CRTAM: variants seen among roughly 807,000 people sequenced by gnomAD.
The protein encoded by CRTAM is cytotoxic and regulatory T-cell molecule.
In CRTAM, 44 loss-of-function variants were observed where a neutral mutation model predicts 50.0. That is an observed-to-expected ratio of 0.88 (90% CI 0.69 to 1.13). The LOEUF is 1.13. Ranked by LOEUF, CRTAM falls within the 50% of genes most tolerant of loss-of-function variation. The pLI is 0.00. For missense variants in CRTAM, 448 were observed against 457.5 expected, an observed-to-expected ratio of 0.98 and a Z score of 0.19; for synonymous variants, 159 against 169.3, an observed-to-expected ratio of 0.94 and a Z score of 0.47.
intron 1 of CRTAM, among the ~76,000 whole-genome samples, chr11:122,843,881 C>G (rs1861829132): frequency 6.6e-6 from 1 of 152,186 alleles, no homozygotes; most frequent in African/African-American, 2.4e-5. Context: ...ACAGTCTAAG[C>G]AAAGCTGGGT....
chr11:122,864,413 A>G (rs1862140675), intron 6 of CRTAM, among the ~76,000 whole-genome samples: 1 of 152,228 alleles, frequency 6.6e-6, no homozygotes, highest in African/African-American at 2.4e-5. Context: ...AAGGCCAGGC[A>G]CAGAGTAAAT....
Position 122,871,261 on chromosome 11 carries a change from T to C in CRTAM, c.1052-8T>C, listed in dbSNP as rs1338123479. The C allele has an allele frequency of 6.2e-7, 1 of 1,602,512 alleles. No homozygotes were observed. Among genetic ancestry groups the C allele is most frequent in the Admixed American group, 1.7e-5 (1 of 57,814 alleles). Reference sequence around the variant, plus strand: ...TAAATATTCATCTTCAACATGTTTTTCTTTCAGCTTCCCACCCTATGCGTT... The same window carrying C: ...TAAATATTCATCTTCAACATGTTTTCCTTTCAGCTTCCCACCCTATGCGTT... On this transcript the variant is annotated splice_polypyrimidine_tract_variant and splice_region_variant and intron_variant, in intron 9 of 9. Coordinates refer to ENST00000227348, the MANE Select transcript of CRTAM (RefSeq NM_019604.4).
chr11:122,845,783 AC>A, intron 1 of CRTAM, among the ~76,000 whole-genome samples: 1 of 152,136 alleles, frequency 6.6e-6, no homozygotes. Context: ...AGGAAATCTG[AC>A]ATCATTTTGT....
chr11:122,868,231 T>A, intron 9 of CRTAM, 132 bp downstream of exon 9: 4 of 576,576 alleles, frequency 6.9e-6, no homozygotes, highest in Admixed American at 6.5e-5. Flanking sequence ...TGTGTGTGTG[T>A]GTGTGTATGA....
chr11:122,861,768 T>C (rs1862085854), intron 5 of CRTAM, among the ~76,000 whole-genome samples: 1 of 152,058 alleles, frequency 6.6e-6, no homozygotes, highest in Non-Finnish European at 1.5e-5. Context: ...ATTTGTAAAG[T>C]GACAGGCACA....
chr11:122,865,305 G>A (rs765934369), intron 7 of CRTAM, among the ~76,000 whole-genome samples: 10 of 152,172 alleles, frequency 6.6e-5, no homozygotes, highest in South Asian at 4.1e-4. Flanking sequence ...AAAGTGCTGG[G>A]ATTACAGGCG....
At chr11:122,845,146 T>A (rs1225537228) in intron 1 of CRTAM, among the ~76,000 whole-genome samples, 2 of 151,674 alleles carry the variant, frequency 1.3e-5, no homozygotes, top group Non-Finnish European at 2.9e-5. Flanking sequence ...TGCCAGTGAG[T>A]TAGGAAGGGA....
chr11:122,857,999 C>T (rs1411099702), intron 5 of CRTAM, among the ~76,000 whole-genome samples: 1 of 152,182 alleles, frequency 6.6e-6, no homozygotes, highest in African/African-American at 2.4e-5. Context: ...CAGCCTCAAT[C>T]TTCCAGGTTC....
At chr11:122,864,779 A>T in intron 7 of CRTAM, 60 bp downstream of exon 7, 1 of 1,232,210 alleles carries the variant, frequency 8.1e-7, no homozygotes, top group Non-Finnish European at 1.2e-6. Context: ...TTAATCGATA[A>T]ATTCAATGGC....
At chr11:122,844,472 C>G (rs571764708) in intron 1 of CRTAM, among the ~76,000 whole-genome samples, 6 of 152,180 alleles carry the variant, frequency 3.9e-5, no homozygotes, top group Non-Finnish European at 2.9e-5. Context: ...TAATACTACT[C>G]TTTATTCTAT....
At chr11:122,867,904 C>A in intron 8 of CRTAM, 109 bp from the exon 9 acceptor site, 1 of 688,152 alleles carries the variant, frequency 1.5e-6, no homozygotes, top group Non-Finnish European at 2.5e-6. Flanking sequence ...ATGGGAGGGG[C>A]ATGGTAAGTC....
intron 1 of CRTAM, among the ~76,000 whole-genome samples, chr11:122,842,314 T>A (rs772718623): frequency 2.0e-5 from 3 of 152,216 alleles, no homozygotes; most frequent in African/African-American, 7.2e-5. Context: ...ATTTCATTCT[T>A]GTTGCCCTGG....
intron 5 of CRTAM, among the ~76,000 whole-genome samples, chr11:122,859,236 G>A (rs1862041636): frequency 6.6e-6 from 1 of 152,054 alleles, no homozygotes; most frequent in African/African-American, 2.4e-5. Context: ...AGACTCCTGA[G>A]TAGCTGGCAT....
At chr11:122,854,484 C>T (rs1170208834) in intron 4 of CRTAM, among the ~76,000 whole-genome samples, 2 of 151,348 alleles carry the variant, frequency 1.3e-5, no homozygotes, top group Non-Finnish European at 2.9e-5. Context: ...ACCAGCCTGA[C>T]CAACATGGAG....
At chr11:122,844,127 G>A (rs1486479695) in intron 1 of CRTAM, among the ~76,000 whole-genome samples, 1 of 152,154 alleles carries the variant, frequency 6.6e-6, no homozygotes, top group Non-Finnish European at 1.5e-5. Context: ...GCCTGATACC[G>A]AATTCTCAGC....
intron 1 of CRTAM, among the ~76,000 whole-genome samples, chr11:122,842,499 G>T (rs374081066): frequency 2.0e-5 from 3 of 152,084 alleles, no homozygotes; most frequent in Non-Finnish European, 4.4e-5. Context: ...GGCTGGTCTC[G>T]AACTCCTGAC....
chr11:122,851,903 C>T, intron 3 of CRTAM, 58 bp downstream of exon 3: 2 of 1,500,418 alleles, frequency 1.3e-6, no homozygotes, highest in African/African-American at 1.4e-5. Flanking sequence ...CACGATATGT[C>T]GTTTTTAAAC....
chr11:122,858,618 C>G (rs572555910), intron 5 of CRTAM, among the ~76,000 whole-genome samples: 176 of 152,172 alleles, frequency 1.2e-3, no homozygotes, highest in African/African-American at 4.0e-3. Context: ...CAGCCTCTAC[C>G]TCCCAGACTT....
At chr11:122,858,454 GA>G in intron 5 of CRTAM, among the ~76,000 whole-genome samples, 1 of 152,116 alleles carries the variant, frequency 6.6e-6, no homozygotes, top group African/African-American at 2.4e-5. Context: ...TTGAATTCCT[GA>G]GCTCAAGCGA....
Sources: gnomAD v4.1 joint callset for allele counts (sites outside exome capture counted in the v4.1 genomes callset) on GRCh38, gnomAD v4.1.1 for gene constraint, MANE v1.5 for transcripts, NCBI Gene and HGNC (gene_info 2026-07-23, HGNC 2026-07-21) for gene names.